Variants in SLC38A6 observed in about 807,000 individuals in gnomAD.
SLC38A6 encodes N system amino acid transporter NAT-1.
SLC38A6 carries 73 observed loss-of-function variants against 65.0 expected under a neutral mutation model. The ratio of observed to expected loss-of-function variants is 1.12; its 90% CI spans 0.93 to 1.37. SLC38A6 has a LOEUF of 1.37. SLC38A6 is among the 40% of genes most tolerant of loss of function. The pLI is 0.00. For synonymous variants in SLC38A6, 183 were observed against 178.8 expected, an observed-to-expected ratio of 1.02 and a Z score of -0.19; for missense variants, 561 against 531.1, an observed-to-expected ratio of 1.06 and a Z score of -0.55.
At chr14:60,981,518 T>G (rs2037019335) in intron 1 of SLC38A6, 136 bp downstream of exon 1, 1 of 1,533,646 alleles carries the variant, frequency 6.5e-7, no homozygotes, top group South Asian at 1.2e-5. Flanking sequence ...GGATGGGGTC[T>G]GAAGGCAGCC....
intron 15 of SLC38A6, among the ~76,000 whole-genome samples, chr14:61,066,938 C>T (rs2043038414): frequency 6.6e-6 from 1 of 151,840 alleles, no homozygotes; most frequent in African/African-American, 2.4e-5. Context: ...ATATTATGTC[C>T]TAGAAGTTGA....
intron 8 of SLC38A6, among the ~76,000 whole-genome samples, chr14:61,038,980 A>G (rs1036199777): frequency 6.6e-6 from 1 of 152,354 alleles, no homozygotes; most frequent in South Asian, 2.1e-4. Flanking sequence ...AGTGGCCTAC[A>G]TATGCAAATG....
chr14:61,043,542 C>A, intron 10 of SLC38A6, 39 bp downstream of exon 10: 2 of 1,493,832 alleles, frequency 1.3e-6, no homozygotes, highest in Non-Finnish European at 1.8e-6. Flanking sequence ...GTTGATTTTT[C>A]ACATTTCAAG....
At chr14:61,022,931 T>C (rs2040416443) in intron 5 of SLC38A6, among the ~76,000 whole-genome samples, 1 of 152,242 alleles carries the variant, frequency 6.6e-6, no homozygotes, top group Non-Finnish European at 1.5e-5. Context: ...TTATTCTTTC[T>C]GCTATGATAT....
chr14:61,003,978 T>A (rs2038894416), intron 3 of SLC38A6, among the ~76,000 whole-genome samples: 1 of 152,144 alleles, frequency 6.6e-6, no homozygotes, highest in Non-Finnish European at 1.5e-5. Flanking sequence ...AGAGATATTC[T>A]TATAAAACTA....
chr14:61,027,849 T>G (rs1053353196), intron 5 of SLC38A6, among the ~76,000 whole-genome samples: 4 of 151,934 alleles, frequency 2.6e-5, no homozygotes, highest in Non-Finnish European at 5.9e-5. Context: ...TCCGTGTGGG[T>G]TTTCCCCTAT....
chr14:60,987,769 G>A (rs2037561040), intron 3 of SLC38A6, among the ~76,000 whole-genome samples: 2 of 152,162 alleles, frequency 1.3e-5, no homozygotes, highest in African/African-American at 4.8e-5. Flanking sequence ...TGGCTTCCAT[G>A]TCACTGTCAA....
intron 6 of SLC38A6, among the ~76,000 whole-genome samples, chr14:61,032,393 AC>A (rs1009164875): frequency 1.3e-5 from 2 of 151,826 alleles, no homozygotes; most frequent in Non-Finnish European, 3.0e-5. Context: ...TGATATTTTT[AC>A]CGTAGCTTCA....
chr14:61,061,945 C>G (rs2042858385), intron 15 of SLC38A6, among the ~76,000 whole-genome samples: 1 of 152,094 alleles, frequency 6.6e-6, no homozygotes, highest in Non-Finnish European at 1.5e-5. Flanking sequence ...TCTAGCAATT[C>G]TCATGCCTCA....
At chr14:61,075,367 A>G (rs1484993441) in intron 15 of SLC38A6, among the ~76,000 whole-genome samples, 1 of 152,194 alleles carries the variant, frequency 6.6e-6, no homozygotes, top group East Asian at 1.9e-4. Context: ...AACCTCAAAA[A>G]GTGAAATTCA....
chr14:61,014,770 C>T (rs1469893655), intron 3 of SLC38A6, among the ~76,000 whole-genome samples: 2 of 152,144 alleles, frequency 1.3e-5, no homozygotes, highest in African/African-American at 2.4e-5. Flanking sequence ...AGTACCCGGC[C>T]GTGTGAGGTG....
intron 15 of SLC38A6, among the ~76,000 whole-genome samples, chr14:61,063,794 A>G (rs149766385): frequency 6.6e-6 from 1 of 152,300 alleles, no homozygotes; most frequent in East Asian, 1.9e-4. Context: ...GTCTCAGTGT[A>G]AGGCACACTA....
chr14:60,982,334 G>A lies in SLC38A6; in HGVS notation c.106-174G>A, dbSNP rs2037117529. The A allele has an allele frequency of 4.0e-6, 3 of 742,950 alleles. No individual in the cohort carries two copies. In the African/African-American group the frequency reaches 5.2e-5, roughly 13 times the overall value. The allele number at this position is 742,950 out of a possible 1,614,324, so 46.0% of individuals were successfully genotyped here. A position where few individuals can be genotyped will look rare whatever the true frequency, so the allele number is the denominator to read the frequency against. On this transcript the variant is annotated intron_variant, in intron 1 of 15. Transcript: ENST00000267488. ...ACCCTAGATTCCTGGAGCTGCAGTAGTGGGAGGTGGGAAGGAAAGGAAAGG... is the reference window on the plus strand; with the variant it reads ...ACCCTAGATTCCTGGAGCTGCAGTAATGGGAGGTGGGAAGGAAAGGAAAGG...
At chr14:61,072,624 T>C (rs987134621) in intron 15 of SLC38A6, among the ~76,000 whole-genome samples, 2 of 152,212 alleles carry the variant, frequency 1.3e-5, no homozygotes, top group African/African-American at 2.4e-5. Context: ...AGTGAGAACA[T>C]TTGATGTTTG....
At chr14:61,052,173 T>G in intron 15 of SLC38A6, 38 bp downstream of exon 15, 1 of 1,472,272 alleles carries the variant, frequency 6.8e-7, no homozygotes, top group Non-Finnish European at 9.1e-7. Context: ...AGACTTCTAT[T>G]TTAAGAAATA....
chr14:60,990,592 A>G (rs2037792303), intron 3 of SLC38A6, among the ~76,000 whole-genome samples: 1 of 151,724 alleles, frequency 6.6e-6, no homozygotes, highest in Non-Finnish European at 1.5e-5. Flanking sequence ...TTTTCCCCTC[A>G]TCCTGCATGT....
intron 15 of SLC38A6, among the ~76,000 whole-genome samples, chr14:61,068,332 C>A (rs1332498811): frequency 6.6e-6 from 1 of 152,180 alleles, no homozygotes; most frequent in Non-Finnish European, 1.5e-5. Flanking sequence ...AAATTCAAAT[C>A]AGATTATATT....
chr14:61,065,248 G>A (rs2042984203), intron 15 of SLC38A6, among the ~76,000 whole-genome samples: 1 of 152,154 alleles, frequency 6.6e-6, no homozygotes, highest in African/African-American at 2.4e-5. Context: ...CATTTGACGG[G>A]TAGCACGTTA....
intron 3 of SLC38A6, among the ~76,000 whole-genome samples, chr14:61,010,105 T>C (rs2039442561): frequency 6.6e-6 from 1 of 152,194 alleles, no homozygotes; most frequent in Non-Finnish European, 1.5e-5. Context: ...CTCACTGTGG[T>C]TTTGATTTGC....
Sources: gnomAD v4.1 joint callset for allele counts (sites outside exome capture counted in the v4.1 genomes callset) on GRCh38, gnomAD v4.1.1 for gene constraint, MANE v1.5 for transcripts, NCBI Gene and HGNC (gene_info 2026-07-23, HGNC 2026-07-21) for gene names.